MIS18A: variants seen among roughly 807,000 people sequenced by gnomAD.
MIS18A encodes the protein MIS18 kinetochore protein A.
In MIS18A, 14 loss-of-function variants were observed where a neutral mutation model predicts 25.0. That is an observed-to-expected ratio of 0.56 (90% CI 0.37 to 0.88). The LOEUF (loss-of-function observed/expected upper bound fraction) is 0.88, where lower values mean the gene tolerates loss of function less well. MIS18A is among the 40% of genes least tolerant of loss of function. The pLI, the probability that MIS18A is intolerant of heterozygous loss-of-function variation, is 0.00. For missense variants in MIS18A, 292 were observed against 290.8 expected, an observed-to-expected ratio of 1.00 and a Z score of -0.03; for synonymous variants, 134 against 118.6, an observed-to-expected ratio of 1.13 and a Z score of -0.84.
At chr21:32,210,812 T>C in the MIS18A span, among the ~76,000 whole-genome samples, 7 of 152,196 alleles carry the variant, frequency 4.6e-5, no homozygotes, top group African/African-American at 1.7e-4. Flanking sequence ...TCATATGCAA[T>C]CTGCTGCCTT....
chr21:32,265,864 T>C (rs1471800874), downstream of MIS18A, among the ~76,000 whole-genome samples: 1 of 152,236 alleles, frequency 6.6e-6, no homozygotes. Context: ...ATCAGCACCC[T>C]GTGTTTAGCT....
the MIS18A span, among the ~76,000 whole-genome samples, chr21:32,177,923 CT>C: frequency 2.0e-5 from 2 of 102,132 alleles, no homozygotes; most frequent in Non-Finnish European, 4.0e-5. Flanking sequence ...GTTTTCTTTT[CT>C]TTTTTTTTGA....
At chr21:32,198,724 G>T in the MIS18A span, among the ~76,000 whole-genome samples, 1 of 152,380 alleles carries the variant, frequency 6.6e-6, no homozygotes, top group East Asian at 1.9e-4. Context: ...CAAAGGGGCC[G>T]AAGACCCAGC....
chr21:32,263,544 T>C (rs753508295), downstream of MIS18A, among the ~76,000 whole-genome samples: 1 of 152,204 alleles, frequency 6.6e-6, no homozygotes, highest in African/African-American at 2.4e-5. Flanking sequence ...GAGGTTGCAG[T>C]GAGCCCAGAT....
chr21:32,220,937 A>G, the MIS18A span, among the ~76,000 whole-genome samples: 1 of 152,070 alleles, frequency 6.6e-6, no homozygotes, highest in Non-Finnish European at 1.5e-5. Flanking sequence ...GAGAAAAAAT[A>G]ATGAAAAGAA....
rs35101292 is a variant in MIS18A, at chr21:32,268,795, G to GT, written c.*241dup. The GT allele has an allele frequency of 0.24, 75,562 of 308,562 alleles. 6,028 individuals carry two copies. Among genetic ancestry groups the GT allele is most frequent in the East Asian group, 0.33 (6,186 of 18,656 alleles). 19.1% of individuals were successfully genotyped at this position (308,562 alleles called of 1,614,324 possible). A position where few individuals can be genotyped will look rare whatever the true frequency, so the allele number is the denominator to read the frequency against. On this transcript the variant is annotated 3_prime_UTR_variant, in exon 5 of 5. Transcript: ENST00000290130. Reference sequence around the variant, plus strand: ...TATAGAAGTAATTCTACAATTTTGGGTTTTTTTTTTGAGAGAAGGTCTCAC... The same window carrying GT: ...TATAGAAGTAATTCTACAATTTTGGGTTTTTTTTTTTGAGAGAAGGTCTCAC...
At chr21:32,235,665 C>T in the MIS18A span, among the ~76,000 whole-genome samples, 1 of 152,168 alleles carries the variant, frequency 6.6e-6, no homozygotes, top group Non-Finnish European at 1.5e-5. Flanking sequence ...CCTATTTAAC[C>T]ACTGGCCCCT....
the MIS18A span, among the ~76,000 whole-genome samples, chr21:32,249,125 T>C: frequency 6.6e-6 from 1 of 152,210 alleles, no homozygotes; most frequent in African/African-American, 2.4e-5. Context: ...CAGAGAAAGA[T>C]GGTTGATCTG....
At chr21:32,175,203 C>T in the MIS18A span, among the ~76,000 whole-genome samples, 3 of 152,106 alleles carry the variant, frequency 2.0e-5, no homozygotes, top group Non-Finnish European at 2.9e-5. Context: ...CATACCCAAA[C>T]ATATAAAGAT....
chr21:32,267,077 C>T (rs1406721528), downstream of MIS18A, among the ~76,000 whole-genome samples: 1 of 152,218 alleles, frequency 6.6e-6, no homozygotes, highest in African/African-American at 2.4e-5. Flanking sequence ...GGGTGGCCCA[C>T]AACAGGGGAA....
At chr21:32,161,750 C>T in the MIS18A span, among the ~76,000 whole-genome samples, 13 of 149,548 alleles carry the variant, frequency 8.7e-5, no homozygotes, top group Non-Finnish European at 1.6e-4. Context: ...CCTTGGCCTC[C>T]CAAAGTGCTG....
At chr21:32,274,556 C>A (rs1412449899) in intron 2 of MIS18A, among the ~76,000 whole-genome samples, 1 of 151,998 alleles carries the variant, frequency 6.6e-6, no homozygotes, top group Admixed American at 6.6e-5. Flanking sequence ...GCCCAAAGAT[C>A]CAAAAAGGGA....
the MIS18A span, among the ~76,000 whole-genome samples, chr21:32,257,495 C>G: frequency 3.3e-5 from 5 of 152,176 alleles, no homozygotes; most frequent in Non-Finnish European, 7.3e-5. Context: ...TCTTGGTTCT[C>G]TAATGGGCAG....
At chr21:32,212,702 G>A in the MIS18A span, among the ~76,000 whole-genome samples, 11 of 152,312 alleles carry the variant, frequency 7.2e-5, no homozygotes, top group East Asian at 2.1e-3. Flanking sequence ...CACATGTCAA[G>A]GTGGGGGCCA....
chr21:32,252,446 G>A, the MIS18A span, among the ~76,000 whole-genome samples: 1 of 151,916 alleles, frequency 6.6e-6, no homozygotes, highest in Admixed American at 6.6e-5. Context: ...AAGGGGAGAG[G>A]AGGAGGAAAA....
chr21:32,218,772 T>A, the MIS18A span, among the ~76,000 whole-genome samples: 1 of 152,126 alleles, frequency 6.6e-6, no homozygotes, highest in East Asian at 1.9e-4. Flanking sequence ...GATATAAGAC[T>A]TACAGAAAAC....
the MIS18A span, among the ~76,000 whole-genome samples, chr21:32,246,625 C>A: frequency 2.0e-5 from 3 of 152,224 alleles, no homozygotes; most frequent in Non-Finnish European, 4.4e-5. Flanking sequence ...CATTCCAGAA[C>A]TCAGAGTTGA....
chr21:32,230,415 T>C, the MIS18A span, among the ~76,000 whole-genome samples: 1 of 152,186 alleles, frequency 6.6e-6, no homozygotes, highest in South Asian at 2.1e-4. Flanking sequence ...GAATAATGTA[T>C]TTTACACAGA....
chr21:32,170,958 C>A, the MIS18A span, among the ~76,000 whole-genome samples: 1 of 151,968 alleles, frequency 6.6e-6, no homozygotes, highest in Non-Finnish European at 1.5e-5. Context: ...AAACACCCTA[C>A]AAACTAAGAA....
Sources: gnomAD v4.1 joint callset for allele counts (sites outside exome capture counted in the v4.1 genomes callset) on GRCh38, gnomAD v4.1.1 for gene constraint, MANE v1.5 for transcripts, NCBI Gene and HGNC (gene_info 2026-07-23, HGNC 2026-07-21) for gene names.